Variants in UMODL1 observed in about 807,000 individuals in gnomAD.
UMODL1 encodes the protein uromodulin like 1.
In UMODL1, 128 loss-of-function variants were observed where a neutral mutation model predicts 136.3. The ratio of observed to expected loss-of-function variants is 0.94; its 90% confidence interval spans 0.81 to 1.09. The LOEUF (loss-of-function observed/expected upper bound fraction) is 1.09, where lower values mean the gene tolerates loss of function less well. Among genes scored for constraint, UMODL1 ranks in the 50% least tolerant of loss-of-function variants. UMODL1 has a pLI of 0.00. For synonymous variants in UMODL1, 721 were observed against 720.0 expected, an observed-to-expected ratio of 1.00 and a Z score of -0.02; for missense variants, 1,766 against 1,725.6, an observed-to-expected ratio of 1.02 and a Z score of -0.41.
intron 18 of UMODL1, among the ~76,000 whole-genome samples, chr21:42,126,767 T>G (rs1172676931): frequency 6.6e-6 from 1 of 152,132 alleles, no homozygotes; most frequent in Non-Finnish European, 1.5e-5. Flanking sequence ...CACCACTTTT[T>G]CTATAATGGA....
Position 42,122,945 on chromosome 21 carries a change from A to G in UMODL1, c.2942A>G (p.Gln981Arg). The part of the protein sequence containing the change: ...GTSPTPQGLP[Q>R]RLNLTGAVRV... ...AGCCCCACCCCCCAAGGCCTGCCCC[A>G]GCGGCTGAACCTGACCGGAGCAGTC... Residue 981 changes from glutamine to arginine, a missense_variant, in exon 17 of 23, where the codon CAG (glutamine) becomes CGG (arginine). Coordinates refer to ENST00000408910, the MANE Select transcript of UMODL1 (RefSeq NM_001004416.3). The surrounding 1 kb of genome is among the most constrained non-coding windows in gnomAD (Gnocchi z 4.3). The G allele has an allele frequency of 6.2e-7, 1 of 1,614,008 alleles. No homozygotes were observed. Among genetic ancestry groups the G allele is most frequent in the Non-Finnish European group, 8.5e-7 (1 of 1,180,032 alleles).
At chr21:42,119,039 GGA>G (rs1487924577) in intron 14 of UMODL1, 70 bp from the exon 15 acceptor site, 1 of 1,511,676 alleles carries the variant, frequency 6.6e-7, no homozygotes, top group Non-Finnish European at 9.0e-7. Context: ...ACTGGCAGGA[GGA>G]ACCGCCTTGA....
intron 21 of UMODL1, among the ~76,000 whole-genome samples, chr21:42,133,772 A>G (rs1223393533): frequency 1.3e-5 from 2 of 152,174 alleles, no homozygotes; most frequent in African/African-American, 2.4e-5. Flanking sequence ...TAAGGACACC[A>G]GTCATGTTGG....
chr21:42,129,851 T>A, intron 21 of UMODL1, 54 bp downstream of exon 21: 1 of 1,320,606 alleles, frequency 7.6e-7, no homozygotes, highest in Non-Finnish European at 1.0e-6. Flanking sequence ...CCGATTCCTT[T>A]TCACCAGCAT....
intron 6 of UMODL1, among the ~76,000 whole-genome samples, chr21:42,095,089 G>GGTTTTTTTTTTTTTTTTTTTTTTTT (rs1555922532): frequency 4.9e-5 from 3 of 61,186 alleles, no homozygotes; most frequent in Admixed American, 2.8e-4. Flanking sequence ...TTCTTCTGCT[G>GGTTTTTTTTTTTTTTTTTTTTTTTT]TTTTTTTTTT....
At chr21:42,093,134 A>G (rs927942755) in intron 6 of UMODL1, among the ~76,000 whole-genome samples, 3 of 152,266 alleles carry the variant, frequency 2.0e-5, no homozygotes, top group African/African-American at 7.2e-5. Flanking sequence ...GAAGAGTTGA[A>G]TTATTTTATT....
chr21:42,102,015 AT>A, intron 7 of UMODL1, 150 bp from the exon 8 acceptor site: 1 of 582,976 alleles, frequency 1.7e-6, no homozygotes, highest in East Asian at 2.9e-5. Context: ...TCTTACATTT[AT>A]TTCCCCCAAT....
chr21:42,096,725 T>G (rs1023334513), intron 6 of UMODL1, among the ~76,000 whole-genome samples: 1 of 152,332 alleles, frequency 6.6e-6, no homozygotes, highest in East Asian at 1.9e-4. Flanking sequence ...GCTGCTGTTA[T>G]AGCTGCTGCG....
intron 1 of UMODL1, among the ~76,000 whole-genome samples, chr21:42,063,776 G>T (rs1429799369): frequency 2.0e-5 from 3 of 152,190 alleles, no homozygotes; most frequent in Non-Finnish European, 2.9e-5. Context: ...GAATTAGAGG[G>T]CGTGAGAGCC....
intron 6 of UMODL1, among the ~76,000 whole-genome samples, chr21:42,096,121 C>T (rs779281540): frequency 1.3e-5 from 2 of 152,066 alleles, no homozygotes; most frequent in Admixed American, 6.5e-5. Flanking sequence ...AAAATTGAGC[C>T]ATAAGAAATT....
At chr21:42,093,611 C>G (rs934153907) in intron 6 of UMODL1, 1 of 237,158 alleles carries the variant, frequency 4.2e-6, no homozygotes, top group African/African-American at 2.3e-5. Context: ...TGGCGGGCTC[C>G]AGGGTCAGAT....
In UMODL1 at chr21:42,104,083, G is replaced by A; in HGVS notation, c.1515G>A (p.Val505=). ...VFQIDRQGTR[V]QDWDECVDSA... Reference sequence around the variant, plus strand: ...AGATTGACCGGCAGGGGACACGCGTGCAAGGTATGGCCCAGCCACCCGCCC... The same window carrying A: ...AGATTGACCGGCAGGGGACACGCGTACAAGGTATGGCCCAGCCACCCGCCC... The change falls in exon 9 of 23, where the codon GTG becomes GTA. Residue 505 remains valine, a synonymous_variant. Coordinates refer to ENST00000408910, the MANE Select transcript of UMODL1 (RefSeq NM_001004416.3). The A allele has an allele frequency of 6.2e-7, 1 of 1,608,968 alleles. No homozygotes were observed. Among genetic ancestry groups the A allele is most frequent in the South Asian group, 1.1e-5 (1 of 90,966 alleles).
chr21:42,129,146 G>A (rs1440902006), intron 20 of UMODL1, among the ~76,000 whole-genome samples: 1 of 152,122 alleles, frequency 6.6e-6, no homozygotes, highest in African/African-American at 2.4e-5. Flanking sequence ...CAGCCATAGT[G>A]GATTAGGGCC....
At position 42,079,884 on chromosome 21, in the gene UMODL1, G is replaced by C. The variant is rs548190731; in HGVS notation, c.319+3637G>C. ...AGGGAGTTTGTGGCATTTGAGTGCT[G>C]TGGCTGTGGCGACTGTGGGAGGAGG... is the stretch of plus-strand genomic sequence containing the variant. On this transcript the variant is annotated intron_variant, in intron 2 of 22. Coordinates refer to ENST00000408910, the MANE Select transcript of UMODL1 (RefSeq NM_001004416.3). 7.9e-5 allele frequency among the ~76,000 whole-genome samples: 12 copies of C among 152,344 alleles called. No homozygotes were observed. In the South Asian group the frequency reaches 1.2e-3, roughly 16 times the overall value.
At position 42,123,165 on chromosome 21, in the gene UMODL1, G is replaced by A. The variant is rs1455686698; in HGVS notation, c.3147+15G>A. 1.2e-6 allele frequency: 2 copies of A among 1,600,492 alleles called. No homozygotes were observed. Among genetic ancestry groups the A allele is most frequent in the African/African-American group, 1.3e-5 (1 of 74,814 alleles). ...TCATGCAGAGCGTAAGACCAGGAGAGCCAGGCTCAGGATGTACACTAGGGC... is the reference window on the plus strand; with the variant it reads ...TCATGCAGAGCGTAAGACCAGGAGAACCAGGCTCAGGATGTACACTAGGGC... On this transcript the variant is annotated intron_variant, in intron 17 of 22. Transcript: ENST00000408910. This position sits in a 1 kb window ranked among gnomAD's most constrained non-coding sequence, Gnocchi z 4.4.
At chr21:42,138,738 G>T (rs979160976) in intron 22 of UMODL1, among the ~76,000 whole-genome samples, 4 of 152,088 alleles carry the variant, frequency 2.6e-5, no homozygotes, top group African/African-American at 9.7e-5. Context: ...ACCACACCCA[G>T]CTAGTTTTGT....
rs185431209 is a variant in UMODL1 at position 42,104,657 on chromosome 21, T to C, written c.1519+570T>C. Among the ~76,000 whole-genome samples, 3 of 152,148 alleles carry C rather than the reference T, an allele frequency of 2.0e-5. No individual in the cohort carries two copies. The East Asian group carries it at 5.8e-4, about 29-fold the overall frequency. ...TAGAGACAGGGTTTCACCGTGTTGG[T>C]CAGGCTGGTCTCGAACTCCTGACCT... On this transcript the variant is annotated intron_variant, in intron 9 of 22. Transcript: ENST00000408910.
intron 22 of UMODL1, among the ~76,000 whole-genome samples, chr21:42,139,664 C>G (rs1421169277): frequency 1.3e-5 from 2 of 152,128 alleles, no homozygotes; most frequent in Non-Finnish European, 2.9e-5. Context: ...CACCGACCCA[C>G]CAGATGTCCT....
chr21:42,072,589 G>A (rs530976010), intron 1 of UMODL1, among the ~76,000 whole-genome samples: 51 of 152,146 alleles, frequency 3.4e-4, no homozygotes, highest in Non-Finnish European at 5.9e-4. Flanking sequence ...ACACGTGGTC[G>A]CCCCGAATTT....
Sources: gnomAD v4.1 joint callset for allele counts (sites outside exome capture counted in the v4.1 genomes callset) on GRCh38, gnomAD v4.1.1 for gene constraint, Gnocchi (gnomAD v3.1) non-coding constraint, MANE v1.5 for transcripts, NCBI Gene and HGNC (gene_info 2026-07-23, HGNC 2026-07-21) for gene names.